The following RYR3 variants were observed in gnomAD, a reference collection of about 807,000 sequenced individuals.
RYR3 encodes ryanodine receptor 3.
A neutral mutation model predicts 584.3 loss-of-function variants in RYR3; 207 were observed. The observed-to-expected ratio is 0.35, with a 90% CI of 0.32 to 0.40. The LOEUF (loss-of-function observed/expected upper bound fraction) is 0.40, where lower values mean the gene tolerates loss of function less well. RYR3 is among the 10% of genes least tolerant of loss of function. RYR3 has a pLI of 1.00. For synonymous variants in RYR3, 2,416 were observed against 2,248.5 expected (o/e 1.07, Z -2.11); for missense variants, 5,616 against 6,089.2 (o/e 0.92, Z 2.59).
intron 28 of RYR3, among the ~76,000 whole-genome samples, chr15:33,645,826 G>C (rs2062070620): frequency 6.6e-6 from 1 of 152,064 alleles, no homozygotes; most frequent in African/African-American, 2.4e-5. Context: ...GTATTAGGAG[G>C]AGGCTCCAGG....
chr15:33,794,312 T>TAAC (rs2152923236), intron 67 of RYR3, among the ~76,000 whole-genome samples: 1 of 33,620 alleles, frequency 3.0e-5, no homozygotes, highest in East Asian at 0.042. Context: ...TATATTTTTA[T>TAAC]ATATATATAT....
chr15:33,667,004 G>A (rs1361407151), intron 36 of RYR3, among the ~76,000 whole-genome samples: 1 of 152,220 alleles, frequency 6.6e-6, no homozygotes, highest in Non-Finnish European at 1.5e-5. Flanking sequence ...ATCAGCATAT[G>A]TTGTTAATAT....
At chr15:33,844,593 G>A (rs2078592625) in intron 92 of RYR3, among the ~76,000 whole-genome samples, 2 of 152,196 alleles carry the variant, frequency 1.3e-5, no homozygotes, top group South Asian at 4.1e-4. Flanking sequence ...AGGATTATAA[G>A]CATATGTAGT....
At chr15:33,638,123 T>A (rs1452554695) in intron 27 of RYR3, among the ~76,000 whole-genome samples, 3 of 152,256 alleles carry the variant, frequency 2.0e-5, no homozygotes, top group Non-Finnish European at 4.4e-5. Flanking sequence ...GGAGTCATAT[T>A]TTAATGCCTT....
In RYR3 at chr15:33,826,248, C is replaced by G; in HGVS notation, c.11147-4C>G. On this transcript the variant is annotated splice_polypyrimidine_tract_variant and splice_region_variant and intron_variant, in intron 82 of 103. Transcript: ENST00000634891. Reference sequence around the variant, plus strand: ...CTATTCTTCTGTTTTTCTCTCATTACCAGTCATTGTTCGGGAACGTGGTAA... The same window carrying G: ...CTATTCTTCTGTTTTTCTCTCATTAGCAGTCATTGTTCGGGAACGTGGTAA... The G allele has an allele frequency of 1.2e-6, 2 of 1,613,396 alleles. No individual in the cohort carries two copies. The highest frequency in any genetic ancestry group is 1.7e-6 in the Non-Finnish European group (2 of 1,179,440).
chr15:33,450,087 T>TAAAAAAAA (rs10647466), intron 1 of RYR3, among the ~76,000 whole-genome samples: 1,896 of 67,226 alleles, frequency 0.028, 324 homozygotes, highest in Non-Finnish European at 0.033. Flanking sequence ...CATTAATACC[T>TAAAAAAAA]AAAAAAAAAA....
intron 1 of RYR3, among the ~76,000 whole-genome samples, chr15:33,384,340 G>A (rs1242275377): frequency 6.6e-6 from 1 of 151,728 alleles, no homozygotes; most frequent in African/African-American, 2.4e-5. Context: ...TCCGGGTTTT[G>A]CCTGAATTAT....
chr15:33,821,272 G>C lies in RYR3; in HGVS notation c.10818G>C (p.Glu3606Asp). The C allele has an allele frequency of 6.3e-7, 1 of 1,590,546 alleles. No individual in the cohort carries two copies. Among genetic ancestry groups the C allele is most frequent in the Non-Finnish European group, 8.6e-7 (1 of 1,168,652 alleles). The change falls in exon 79 of 104, where the codon GAG becomes GAC. Residue 3606 changes from glutamate (E) to aspartate (D), a missense_variant and splice_region_variant. Physicochemically the swap from Glu to Asp is conservative, Grantham distance 45. Coordinates refer to ENST00000634891, the MANE Select transcript of RYR3 (RefSeq NM_001036.6). ...EDEDKEKTFE[E>D]KEMEKQKTLY... ...CCTGTGATTTTTTTTCCCCCCAGGA[G>C]AAAGAGATGGAGAAGCAAAAAACCC...
rs986957120 is a variant in RYR3 at position 33,827,226 on chromosome 15, T to C, written c.11273T>C (p.Met3758Thr). The change falls in exon 85 of 104, where the codon ATG becomes ACG. Residue 3758 changes from methionine (M) to threonine (T), a missense_variant. Coordinates refer to ENST00000634891, the MANE Select transcript of RYR3 (RefSeq NM_001036.6). ...TTTCAGAACTTCCTGCGGACTCAGA[T>C]GGGCAACACCACCACCGTGAATGTC... ...SDFQNFLRTQ[M>T]GNTTTVNVII... 6.4e-7 allele frequency: 1 copy of C among 1,552,062 alleles called. No individual in the cohort carries two copies. The highest frequency in any genetic ancestry group is 8.7e-7 in the Non-Finnish European group (1 of 1,147,332).
intron 1 of RYR3, among the ~76,000 whole-genome samples, chr15:33,453,157 A>G (rs1008071408): frequency 2.0e-5 from 3 of 152,190 alleles, no homozygotes; most frequent in African/African-American, 7.2e-5. Flanking sequence ...GCTCAAAATA[A>G]ACTAAGACCT....
intron 64 of RYR3, among the ~76,000 whole-genome samples, chr15:33,778,709 A>C (rs2074188330): frequency 6.6e-6 from 1 of 152,246 alleles, no homozygotes; most frequent in Non-Finnish European, 1.5e-5. Context: ...TACACAGGGC[A>C]CAATAGGACT....
chr15:33,717,622 T>C (rs1322423397), intron 43 of RYR3, among the ~76,000 whole-genome samples: 1 of 152,218 alleles, frequency 6.6e-6, no homozygotes, highest in African/African-American at 2.4e-5. Context: ...TTCTACTCTC[T>C]TATATTGGCC....
At chr15:33,631,524 G>T (rs1287880728) in intron 23 of RYR3, among the ~76,000 whole-genome samples, 2 of 152,080 alleles carry the variant, frequency 1.3e-5, no homozygotes, top group African/African-American at 4.8e-5. Flanking sequence ...CACTAATATT[G>T]TTAGTTTTGA....
At chr15:33,722,078 A>G (rs1348834612) in intron 43 of RYR3, among the ~76,000 whole-genome samples, 1 of 152,170 alleles carries the variant, frequency 6.6e-6, no homozygotes, top group Non-Finnish European at 1.5e-5. Flanking sequence ...TGGCTGTCCT[A>G]GGTTAGGTAT....
intron 67 of RYR3, among the ~76,000 whole-genome samples, chr15:33,799,528 A>G (rs1286428958): frequency 6.6e-6 from 1 of 152,228 alleles, no homozygotes; most frequent in Admixed American, 6.5e-5. Flanking sequence ...TGGAGAAGGC[A>G]TGGAAACTCC....
chr15:33,422,041 A>G (rs2044277538), intron 1 of RYR3, among the ~76,000 whole-genome samples: 1 of 152,146 alleles, frequency 6.6e-6, no homozygotes, highest in Non-Finnish European at 1.5e-5. Flanking sequence ...GTGCTACTTC[A>G]GTTCATTATT....
At chr15:33,723,960 G>T in intron 44 of RYR3, 105 bp from the exon 45 acceptor site, 1 of 644,084 alleles carries the variant, frequency 1.6e-6, no homozygotes, top group South Asian at 1.9e-5. Context: ...AAGGATGTAT[G>T]ATATGCAAGA....
intron 55 of RYR3, 103 bp from the exon 56 acceptor site, chr15:33,749,876 A>G: frequency 1.1e-6 from 1 of 877,006 alleles, no homozygotes; most frequent in East Asian, 2.6e-5. Context: ...GTTAGTGTTC[A>G]GTGGTGTGCT....
chr15:33,740,090 T>C (rs1474251741), intron 51 of RYR3, 95 bp downstream of exon 51: 3 of 1,057,780 alleles, frequency 2.8e-6, no homozygotes, highest in Non-Finnish European at 4.2e-6. Flanking sequence ...CTTTACCTCT[T>C]TCCCTCCTGC....
Sources: gnomAD v4.1 joint callset for allele counts (sites outside exome capture counted in the v4.1 genomes callset) on GRCh38, gnomAD v4.1.1 for gene constraint, MANE v1.5 for transcripts, NCBI Gene and HGNC (gene_info 2026-07-23, HGNC 2026-07-21) for gene names.